The following SUN2 variants were observed in gnomAD, a reference collection of about 807,000 sequenced individuals.
The protein encoded by SUN2 is SUN domain-containing protein 2.
SUN2 carries 60 observed loss-of-function variants against 100.0 expected under a neutral mutation model. The observed-to-expected ratio is 0.60, with a 90% CI of 0.49 to 0.74. The LOEUF (loss-of-function observed/expected upper bound fraction) is 0.74, where lower values mean the gene tolerates loss of function less well. Ranked by LOEUF, SUN2 falls within the 30% of genes least tolerant of loss-of-function variation. The pLI, the probability that SUN2 is intolerant of heterozygous loss-of-function variation, is 0.00. For missense variants in SUN2, 834 were observed against 954.6 expected, an observed-to-expected ratio of 0.87 and a Z score of 1.66; for synonymous variants, 367 against 403.3, an observed-to-expected ratio of 0.91 and a Z score of 1.08.
At chr22:38,753,670 G>C (rs1212433065) in intron 1 of SUN2, among the ~76,000 whole-genome samples, 1 of 152,156 alleles carries the variant, frequency 6.6e-6, no homozygotes, top group African/African-American at 2.4e-5. Context: ...AAAATGGTAA[G>C]TGTCTGCTGG....
intron 4 of SUN2, 93 bp downstream of exon 4, chr22:38,750,805 C>T: frequency 6.4e-7 from 1 of 1,556,300 alleles, no homozygotes; most frequent in Non-Finnish European, 8.7e-7. Flanking sequence ...CCACATGCTG[C>T]CCTCTCTCCA....
chr22:38,737,617 A>G lies in SUN2; in HGVS notation c.2040+556T>C, dbSNP rs2092817431. 3.3e-6 allele frequency: 1 copy of G among 301,286 alleles called. No individual in the cohort carries two copies. The highest frequency in any genetic ancestry group is 2.2e-5 in the African/African-American group (1 of 45,350). 18.7% of individuals were successfully genotyped at this position (301,286 alleles called of 1,614,324 possible). ...CACTGTCCCTCGTCCACCTCCCACT[A>G]TCCCGCCAACCCAATTCCTCACTCC... On this transcript the variant is annotated intron_variant, in intron 17 of 17. Transcript: ENST00000689035. The surrounding 1 kb of genome is among the most constrained non-coding windows in gnomAD (Gnocchi z 4.1).
At chr22:38,741,685 T>G (rs1410219454) in intron 9 of SUN2, 114 bp from the exon 10 acceptor site, 5 of 967,268 alleles carry the variant, frequency 5.2e-6, no homozygotes, top group African/African-American at 4.8e-5. Flanking sequence ...TCCAGAGCCC[T>G]GGCTCTCAGC....
chr22:38,742,507 C>T lies in SUN2; in HGVS notation c.862G>A (p.Glu288Lys). The change falls in exon 9 of 18, where the codon GAA becomes AAA. Residue 288 changes from glutamate (E) to lysine (K), a missense_variant. Transcript: ENST00000689035. ...GAGGAAAATTCAGCAGCAAGAGCTT[C>T]CAGACGCCGCTCCAGAGAGTGTACC... ...SRVHSLERRLEALAAEFSSNW... is the reference protein window; with the variant it reads ...SRVHSLERRLKALAAEFSSNW... 6 of 1,613,406 alleles carry T rather than the reference C, an allele frequency of 3.7e-6. No homozygotes were observed. The highest frequency in any genetic ancestry group is 5.1e-6 in the Non-Finnish European group (6 of 1,180,020).
At chr22:38,742,590 A>T in intron 8 of SUN2, 35 bp from the exon 9 acceptor site, 2 of 1,583,214 alleles carry the variant, frequency 1.3e-6, no homozygotes, top group Non-Finnish European at 8.6e-7. Flanking sequence ...GGAGTGAGGG[A>T]CCCTTGGATG....
In SUN2 at chr22:38,740,228, A is replaced by G; in HGVS notation, c.1356+39T>C. 6.6e-7 allele frequency: 1 copy of G among 1,505,102 alleles called. No homozygotes were observed. The highest frequency in any genetic ancestry group is 2.2e-5 in the Admixed American group (1 of 46,240). 93.2% of individuals were successfully genotyped at this position (1,505,102 alleles called of 1,614,324 possible). On this transcript the variant is annotated intron_variant, in intron 12 of 17. Transcript: ENST00000689035. The surrounding 1 kb of genome is among the most constrained non-coding windows in gnomAD (Gnocchi z 4.8). Reference sequence around the variant, plus strand: ...CCAGGACACGTCGTCTCAAAGGAGGAGGAGAGGGACCAGCAGGGCCCTGGT... The same window carrying G: ...CCAGGACACGTCGTCTCAAAGGAGGGGGAGAGGGACCAGCAGGGCCCTGGT...
rs923316833 is a variant in SUN2 at position 38,734,809 on chromosome 22, G to A, written c.*1458C>T. 1.6e-5 allele frequency: 3 copies of A among 185,124 alleles called. No homozygotes were observed. The Admixed American group carries it at 1.6e-4, about 10-fold the overall frequency. 11.5% of individuals were successfully genotyped at this position (185,124 alleles called of 1,614,324 possible). On this transcript the variant is annotated 3_prime_UTR_variant, in exon 18 of 18. Transcript: ENST00000689035. ...AAAAAACTTAAGAACCAATAGTGCA[G>A]CATTTGTGACAGGAGAGCGCAAAAC...
In SUN2 at chr22:38,745,673, C is replaced by T. The variant is rs761908276; in HGVS notation, c.813+11G>A. On this transcript the variant is annotated intron_variant, in intron 8 of 17. Coordinates refer to ENST00000689035, the MANE Select transcript of SUN2 (RefSeq NM_015374.3). Reference sequence around the variant, plus strand: ...CTAAGCTCTTGGGAGCTACCACCCTCAGAGACTCACCTGGAAATGTGGCGA... The same window carrying T: ...CTAAGCTCTTGGGAGCTACCACCCTTAGAGACTCACCTGGAAATGTGGCGA... 1.9e-6 allele frequency: 3 copies of T among 1,613,100 alleles called. No homozygotes were observed. The highest frequency in any genetic ancestry group is 1.1e-5 in the South Asian group (1 of 91,086).
rs2092928017 is a variant in SUN2 at position 38,749,614 on chromosome 22, G to A, written c.614+152C>T. 14 of 688,810 alleles carry A rather than the reference G, an allele frequency of 2.0e-5. No homozygotes were observed. In the East Asian group the frequency reaches 3.9e-4, roughly 19 times the overall value. 42.7% of individuals were successfully genotyped at this position (688,810 alleles called of 1,614,324 possible). On this transcript the variant is annotated intron_variant, in intron 6 of 17. Transcript: ENST00000689035. ...TCCATCCTCTGTCAGGCAGGGGTGG[G>A]CTTTGGGGAAGCTACTCCGTGATCG...
rs774117738 is a variant in SUN2 at position 38,739,449 on chromosome 22, CGGTTGCAGCA to C, written c.1579-33_1579-24del. 1.9e-5 allele frequency: 31 copies of C among 1,612,060 alleles called. No individual in the cohort carries two copies. The highest frequency in any genetic ancestry group is 2.3e-5 in the Non-Finnish European group (27 of 1,179,420). On this transcript the variant is annotated intron_variant, in intron 13 of 17. Transcript: ENST00000689035. This position sits in a 1 kb window ranked among gnomAD's most constrained non-coding sequence, Gnocchi z 6.7. ...CTGCTGCAATGCAGGCACCAGGAGA[CGGTTGCAGCA>C]GGGAGCAGACGTGTCCCCCTGTCAC...
chr22:38,752,797 T>C, intron 1 of SUN2, 132 bp from the exon 2 acceptor site: 1 of 1,041,284 alleles, frequency 9.6e-7, no homozygotes, highest in Non-Finnish European at 1.4e-6. Flanking sequence ...GCCCCCGGCG[T>C]TCAGTCTAAA....
chr22:38,742,617 A>G, intron 8 of SUN2, 62 bp from the exon 9 acceptor site: 2 of 1,542,550 alleles, frequency 1.3e-6, no homozygotes, highest in Non-Finnish European at 1.8e-6. Context: ...CTTCCCAAAG[A>G]CCACCCCGAC....
chr22:38,738,606 G>C lies in SUN2; in HGVS notation c.1928C>G (p.Pro643Arg). The part of the protein sequence containing the change: ...LSPNSTISSA[P>R]KDFAIFGFDE... ...ACTCACAAAGATGGCGAAGTCCTTG[G>C]GGGCACTGGAGATAGTGCTGTTGGG... is the stretch of plus-strand genomic sequence containing the variant. The change falls in exon 16 of 18, where the codon CCC (proline) becomes CGC (arginine). Residue 643 changes from proline (P) to arginine (R), a missense_variant. Physicochemically the swap from Pro to Arg is moderately radical, Grantham distance 103. This residue lies in a region of SUN2 where 195 missense variants were observed against 280.2 expected (regional missense o/e 0.70). Coordinates refer to ENST00000689035, the MANE Select transcript of SUN2 (RefSeq NM_015374.3). The surrounding 1 kb of genome is among the most constrained non-coding windows in gnomAD (Gnocchi z 6.6). 1 of 1,613,622 alleles carries C rather than the reference G, an allele frequency of 6.2e-7. No individual in the cohort carries two copies. The highest frequency in any genetic ancestry group is 8.5e-7 in the Non-Finnish European group (1 of 1,179,762).
At chr22:38,748,414 C>G (rs149098215) in intron 7 of SUN2, among the ~76,000 whole-genome samples, 114 of 152,338 alleles carry the variant, frequency 7.5e-4, no homozygotes, top group Non-Finnish European at 1.1e-3. Flanking sequence ...AAAATAACTC[C>G]CTCATAGCAG....
chr22:38,739,260 C>T lies in SUN2; in HGVS notation c.1663+82G>A, dbSNP rs2092833638. The T allele has an allele frequency of 6.8e-7, 1 of 1,469,632 alleles. No homozygotes were observed. The highest frequency in any genetic ancestry group is 1.4e-5 in the African/African-American group (1 of 72,066). 91.0% of individuals were successfully genotyped at this position (1,469,632 alleles called of 1,614,324 possible). A position where few individuals can be genotyped will look rare whatever the true frequency, so the allele number is the denominator to read the frequency against. On this transcript the variant is annotated intron_variant, in intron 14 of 17. Transcript: ENST00000689035. This position sits in a 1 kb window ranked among gnomAD's most constrained non-coding sequence, Gnocchi z 6.7. ...GATCCTGAGCTTTGCTTGCTCTGCC[C>T]CACCACCAACCTGGTAGATGCCAGG...
At position 38,735,997 on chromosome 22, in the gene SUN2, C is replaced by T; in HGVS notation, c.*270G>A. ...CTACCTCTCCCAACTTCCCAGTCCC[C>T]CATGATATGCTACATATATACACAC... On this transcript the variant is annotated 3_prime_UTR_variant, in exon 18 of 18. Coordinates refer to ENST00000689035, the MANE Select transcript of SUN2 (RefSeq NM_015374.3). 1 of 381,228 alleles carries T rather than the reference C, an allele frequency of 2.6e-6. No individual in the cohort carries two copies. The highest frequency in any genetic ancestry group is 5.1e-6 in the Non-Finnish European group (1 of 195,016). 23.6% of individuals were successfully genotyped at this position (381,228 alleles called of 1,614,324 possible).
chr22:38,738,359 G>A lies in SUN2; in HGVS notation c.1948-94C>T, dbSNP rs1200320411. 2.5e-6 allele frequency: 3 copies of A among 1,211,066 alleles called. No homozygotes were observed. Among genetic ancestry groups the A allele is most frequent in the African/African-American group, 1.5e-5 (1 of 66,256 alleles). The allele number at this position is 1,211,066 out of a possible 1,614,324, so 75.0% of individuals were successfully genotyped here. A position where few individuals can be genotyped will look rare whatever the true frequency, so the allele number is the denominator to read the frequency against. ...CTGCTCCTCCCACCCAGCAGGTCAG[G>A]CACCAGAGTGGCCTATGACAAGTCA... On this transcript the variant is annotated intron_variant, in intron 16 of 17. Transcript: ENST00000689035. The surrounding 1 kb of genome is among the most constrained non-coding windows in gnomAD (Gnocchi z 6.6).
chr22:38,745,776 A>T lies in SUN2; in HGVS notation c.721T>A (p.Phe241Ile). 1 of 1,614,034 alleles carries T rather than the reference A, an allele frequency of 6.2e-7. No individual in the cohort carries two copies. The highest frequency in any genetic ancestry group is 8.5e-7 in the Non-Finnish European group (1 of 1,179,978). Residue 241 changes from phenylalanine (F) to isoleucine (I), a missense_variant, in exon 8 of 18, where the codon TTC (phenylalanine) becomes ATC (isoleucine). Phe to Ile is a conservative substitution (Grantham distance 21, BLOSUM62 0). Transcript: ENST00000689035. Reference sequence around the variant, plus strand: ...CACCAGGAAACCAAAGCAGGGTGGAATGTCTGCAGCCCATAGGGGTAGAAA... The same window carrying T: ...CACCAGGAAACCAAAGCAGGGTGGATTGTCTGCAGCCCATAGGGGTAGAAA... ...WYFYPYGLQT[F>I]HPALVSWWAA...
Position 38,738,867 on chromosome 22 carries a change from G to A in SUN2, c.1779+6C>T. The A allele has an allele frequency of 6.2e-7, 1 of 1,600,328 alleles. No homozygotes were observed. Among genetic ancestry groups the A allele is most frequent in the Non-Finnish European group, 8.5e-7 (1 of 1,170,802 alleles). The stretch of plus-strand genomic sequence containing the variant: ...GCCCCCGCTGCTGTGCTTGCCAGGT[G>A]CCCACCTGGAGGATGACTCGGGGTG... On this transcript the variant is annotated splice_donor_region_variant and intron_variant, in intron 15 of 17. Coordinates refer to ENST00000689035, the MANE Select transcript of SUN2 (RefSeq NM_015374.3). The surrounding 1 kb of genome is among the most constrained non-coding windows in gnomAD (Gnocchi z 6.6).
Sources: allele counts gnomAD v4.1 joint callset (sites outside exome capture counted in the v4.1 genomes callset), GRCh38; gene constraint gnomAD v4.1.1; regional missense constraint gnomAD v4.1.1; non-coding constraint Gnocchi (gnomAD v3.1); transcripts MANE v1.5; gene names NCBI Gene and HGNC (gene_info 2026-07-23, HGNC 2026-07-21).